Variants in SMPD3 observed in about 807,000 individuals in gnomAD.
SMPD3 encodes nSMase-2.
A neutral mutation model predicts 55.7 loss-of-function variants in SMPD3; 21 were observed. The observed-to-expected ratio is 0.38, with a 90% CI of 0.27 to 0.54. SMPD3 has a LOEUF of 0.54. SMPD3 is among the 20% of genes least tolerant of loss of function. The pLI is 0.80. For synonymous variants in SMPD3, 457 were observed against 404.3 expected (o/e 1.13, Z -1.56); for missense variants, 842 against 899.6 (o/e 0.94, Z 0.82).
intron 1 of SMPD3, among the ~76,000 whole-genome samples, chr16:68,402,011 A>G (rs1225706680): frequency 1.3e-5 from 2 of 152,080 alleles, no homozygotes; most frequent in Non-Finnish European, 2.9e-5. Context: ...ACGGAATCCT[A>G]CCCAGGCTTC....
intron 1 of SMPD3, among the ~76,000 whole-genome samples, chr16:68,422,761 T>C (rs1664646178): frequency 6.6e-6 from 1 of 152,184 alleles, no homozygotes; most frequent in Non-Finnish European, 1.5e-5. Context: ...CTCCCCTGGG[T>C]GTACCTGCTG....
intron 2 of SMPD3, among the ~76,000 whole-genome samples, chr16:68,378,572 C>A (rs1248748478): frequency 6.6e-6 from 1 of 152,072 alleles, no homozygotes; most frequent in Admixed American, 6.5e-5. Flanking sequence ...TGCACACCCC[C>A]CCACCCCCTC....
rs2089682762 is a variant in SMPD3, at chr16:68,371,947, A to G, written c.235T>C (p.Phe79Leu). The G allele has an allele frequency of 6.2e-7, 1 of 1,612,014 alleles. No homozygotes were observed. The highest frequency in any genetic ancestry group is 8.5e-7 in the Non-Finnish European group (1 of 1,179,680). Residue 79 changes from phenylalanine to leucine, a missense_variant, in exon 3 of 9, where the codon TTT (phenylalanine) becomes CTT (leucine). This residue lies in a region of SMPD3 where 193 missense variants were observed against 256.0 expected (regional missense o/e 0.75). Coordinates refer to ENST00000219334, the MANE Select transcript of SMPD3 (RefSeq NM_018667.4). Reference protein sequence around the residue: ...ALLVASLPFAFLGFLFWSPLQ... With the variant: ...ALLVASLPFALLGFLFWSPLQ... ...GGGGACCAGAAGAGAAAGCCGAGAA[A>G]CGCAAAGGGCAGCGAGGCCACCAGG... is the stretch of plus-strand genomic sequence containing the variant.
At position 68,361,262 on chromosome 16, in the gene SMPD3, C is replaced by T. The variant is rs773090693; in HGVS notation, c.1912G>A (p.Asp638Asn). Reference sequence around the variant, plus strand: ...AGTCGCATGGCTACTGGCAGGTGGTCCGTCAGGCCGGACAGCTGGGTGATA... The same window carrying T: ...AGTCGCATGGCTACTGGCAGGTGGTTCGTCAGGCCGGACAGCTGGGTGATA... ...SFITQLSGLT[D>N]HLPVAMRLMV... is the part of the protein sequence containing the mutation. The change falls in exon 9 of 9, where the codon GAC (aspartate) becomes AAC (asparagine). Residue 638 changes from aspartate to asparagine, a missense_variant. Asp to Asn is a conservative substitution (Grantham distance 23). Transcript: ENST00000219334. 6.2e-7 allele frequency: 1 copy of T among 1,611,676 alleles called. No homozygotes were observed. Among genetic ancestry groups the T allele is most frequent in the Non-Finnish European group, 8.5e-7 (1 of 1,179,332 alleles).
At chr16:68,386,044 G>A (rs1272132930) in intron 2 of SMPD3, among the ~76,000 whole-genome samples, 1 of 152,072 alleles carries the variant, frequency 6.6e-6, no homozygotes, top group Admixed American at 6.5e-5. Context: ...GCAACATGGC[G>A]ACACCAGGCT....
intron 2 of SMPD3, among the ~76,000 whole-genome samples, chr16:68,385,145 A>T (rs1371153926): frequency 6.6e-6 from 1 of 152,146 alleles, no homozygotes; most frequent in Non-Finnish European, 1.5e-5. Context: ...ACTACCCCAA[A>T]TGGGTACAGC....
chr16:68,444,906 G>T (rs1174414786), intron 1 of SMPD3, among the ~76,000 whole-genome samples: 1 of 152,210 alleles, frequency 6.6e-6, no homozygotes, highest in African/African-American at 2.4e-5. Context: ...ATAGTTCAAT[G>T]CAAATCACAT....
intron 1 of SMPD3, among the ~76,000 whole-genome samples, chr16:68,411,461 A>C (rs1224138327): frequency 6.6e-6 from 1 of 152,138 alleles, no homozygotes; most frequent in African/African-American, 2.4e-5. Context: ...ATTCCTGCTT[A>C]GGGCCTCTCC....
intron 2 of SMPD3, among the ~76,000 whole-genome samples, chr16:68,378,813 A>T (rs999009709): frequency 1.3e-5 from 2 of 152,170 alleles, no homozygotes; most frequent in Non-Finnish European, 2.9e-5. Flanking sequence ...AGAGGCCTGC[A>T]TTTTATCTGA....
intron 2 of SMPD3, among the ~76,000 whole-genome samples, chr16:68,381,712 A>G (rs1053892098): frequency 3.3e-5 from 5 of 152,174 alleles, no homozygotes; most frequent in African/African-American, 1.2e-4. Flanking sequence ...GTGAAGAGAC[A>G]TGGAGCAGGG....
intron 1 of SMPD3, among the ~76,000 whole-genome samples, chr16:68,443,048 G>A (rs1402511917): frequency 6.6e-6 from 1 of 152,086 alleles, no homozygotes; most frequent in Admixed American, 6.5e-5. Context: ...CCAGGGAGAG[G>A]AGAAAAAACA....
chr16:68,399,825 C>T lies in SMPD3; in HGVS notation c.-268-13166G>A, dbSNP rs567798633. Among the ~76,000 whole-genome samples the T allele has an allele frequency of 5.3e-5, 8 of 152,336 alleles. No individual in the cohort carries two copies. The South Asian group carries it at 1.7e-3, about 32-fold the overall frequency. The stretch of plus-strand genomic sequence containing the variant: ...AGTGATCATGTCCAGAGAGGAGCCC[C>T]TTGCTATAAACACAGTACATCAGTG... On this transcript the variant is annotated intron_variant, in intron 1 of 8. Transcript: ENST00000219334.
Position 68,371,779 on chromosome 16 carries a change from G to C in SMPD3, c.403C>G (p.Pro135Ala). 3 of 1,610,174 alleles carry C rather than the reference G, an allele frequency of 1.9e-6. No homozygotes were observed. Among genetic ancestry groups the C allele is most frequent in the Non-Finnish European group, 2.5e-6 (3 of 1,178,494 alleles). The change falls in exon 3 of 9, where the codon CCC becomes GCC. Residue 135 changes from proline (P) to alanine (A), a missense_variant. Pro to Ala is a conservative substitution (Grantham distance 27). Transcript: ENST00000219334. ...TTGTTGACCCTGGCGAGTGAGTCGG[G>C]CAGGAGGCAGACGTTGGCAGTGGCA... is the stretch of plus-strand genomic sequence containing the variant. Reference protein sequence around the residue: ...CFATANVCLLPDSLARVNNLF... With the variant: ...CFATANVCLLADSLARVNNLF...
chr16:68,365,202 C>T (rs894816979), intron 3 of SMPD3, 110 bp from the exon 4 acceptor site: 10 of 1,103,094 alleles, frequency 9.1e-6, no homozygotes, highest in Admixed American at 4.0e-5. Context: ...ACAAGCCTGG[C>T]TCCTGGCTGG....
chr16:68,416,959 C>G (rs1054117133), intron 1 of SMPD3, among the ~76,000 whole-genome samples: 2 of 152,154 alleles, frequency 1.3e-5, no homozygotes, highest in African/African-American at 4.8e-5. Flanking sequence ...GTCACAAAAG[C>G]TGTACCCAAG....
intron 1 of SMPD3, among the ~76,000 whole-genome samples, chr16:68,389,066 GAAAC>G (rs1486682121): frequency 1.3e-5 from 2 of 152,208 alleles, no homozygotes; most frequent in Non-Finnish European, 2.9e-5. Context: ...AGGAAATGGT[GAAAC>G]AGAAGAACCT....
intron 3 of SMPD3, chr16:68,369,181 C>T (rs1359116529): frequency 2.8e-5 from 4 of 143,422 alleles, no homozygotes. Context: ...CGTGCCACTG[C>T]ACTCCAGCCT....
chr16:68,419,962 A>G (rs1318011830), intron 1 of SMPD3, among the ~76,000 whole-genome samples: 1 of 147,202 alleles, frequency 6.8e-6, no homozygotes, highest in Non-Finnish European at 1.5e-5. Flanking sequence ...TGGAACATGT[A>G]GTATCCCGAA....
chr16:68,362,402 T>G (rs1458247909), intron 7 of SMPD3, among the ~76,000 whole-genome samples: 1 of 152,210 alleles, frequency 6.6e-6, no homozygotes, highest in Non-Finnish European at 1.5e-5. Flanking sequence ...AGCAGGGGGA[T>G]GTGACATCTG....
Sources: allele counts gnomAD v4.1 joint callset (sites outside exome capture counted in the v4.1 genomes callset), GRCh38; gene constraint gnomAD v4.1.1; regional missense constraint gnomAD v4.1.1; transcripts MANE v1.5; gene names NCBI Gene and HGNC (gene_info 2026-07-23, HGNC 2026-07-21).